HYCC1: variants seen among roughly 807,000 people sequenced by gnomAD.
HYCC1 encodes hyccin PI4KA lipid kinase complex subunit 1, also known as hyccin.
At chr7:22,932,559 C>T in the HYCC1 span, among the ~76,000 whole-genome samples, 1 of 152,154 alleles carries the variant, frequency 6.6e-6, no homozygotes, top group Non-Finnish European at 1.5e-5. Flanking sequence ...CACAGGTCCA[C>T]AGATGAGAAA....
the HYCC1 span, among the ~76,000 whole-genome samples, chr7:22,960,992 G>A: frequency 1.3e-4 from 20 of 152,118 alleles, no homozygotes; most frequent in African/African-American, 4.1e-4. Flanking sequence ...CGGAGGTTGC[G>A]GAGAGCCGAG....
At chr7:22,918,289 A>G in the HYCC1 span, among the ~76,000 whole-genome samples, 1 of 152,242 alleles carries the variant, frequency 6.6e-6, no homozygotes, top group South Asian at 2.1e-4. Context: ...CTCAATTCAT[A>G]CAAAACCATA....
the HYCC1 span, among the ~76,000 whole-genome samples, chr7:22,918,455 GC>G: frequency 6.6e-6 from 1 of 151,956 alleles, no homozygotes; most frequent in Non-Finnish European, 1.5e-5. Flanking sequence ...GGGAAACATG[GC>G]CCATTATCTC....
chr7:23,009,759 G>T, the HYCC1 span, among the ~76,000 whole-genome samples: 2 of 152,132 alleles, frequency 1.3e-5, no homozygotes, highest in East Asian at 3.8e-4. Context: ...GTCTCATTTA[G>T]GAGACAGAGG....
the HYCC1 span, among the ~76,000 whole-genome samples, chr7:22,968,156 A>G: frequency 1.3e-5 from 2 of 152,210 alleles, no homozygotes; most frequent in South Asian, 2.1e-4. Context: ...GCTCCACTAC[A>G]GACTACATTT....
the HYCC1 span, among the ~76,000 whole-genome samples, chr7:22,953,009 C>T: frequency 6.6e-6 from 1 of 151,936 alleles, no homozygotes; most frequent in Admixed American, 6.6e-5. Context: ...CAGCAGTTTC[C>T]ATAAGAGATA....
At chr7:22,915,570 C>T in the HYCC1 span, among the ~76,000 whole-genome samples, 2 of 152,310 alleles carry the variant, frequency 1.3e-5, no homozygotes, top group East Asian at 1.9e-4. Context: ...TCCCAGATCT[C>T]GGCTTAGCGG....
the HYCC1 span, among the ~76,000 whole-genome samples, chr7:22,924,177 C>CAAAAA: frequency 1.0e-5 from 1 of 95,402 alleles, no homozygotes; most frequent in Non-Finnish European, 2.0e-5. Context: ...GACTCTGTAT[C>CAAAAA]AAAAAAAAAA....
the HYCC1 span, among the ~76,000 whole-genome samples, chr7:22,931,796 T>C: frequency 0.25 from 37,860 of 152,084 alleles, 4,886 homozygotes; most frequent in East Asian, 0.48. Context: ...AAAGTGGCAG[T>C]AGAGCTGACT....
the HYCC1 span, among the ~76,000 whole-genome samples, chr7:22,987,641 T>C: frequency 6.6e-6 from 1 of 152,200 alleles, no homozygotes; most frequent in Non-Finnish European, 1.5e-5. Flanking sequence ...ATTTCATCTC[T>C]ACACATCTGA....
the HYCC1 span, among the ~76,000 whole-genome samples, chr7:22,927,550 T>C: frequency 9.9e-5 from 15 of 152,144 alleles, no homozygotes; most frequent in Admixed American, 3.3e-4. Context: ...GAGAATACTA[T>C]AAACACCTCT....
chr7:22,945,356 GA>G, the HYCC1 span: 43 of 560,996 alleles, frequency 7.7e-5, no homozygotes, highest in Middle Eastern at 4.7e-4. Flanking sequence ...TAAGAGGAGG[GA>G]AAAAAAAGAC....
chr7:22,954,875 T>C, the HYCC1 span, among the ~76,000 whole-genome samples: 3 of 151,514 alleles, frequency 2.0e-5, no homozygotes, highest in East Asian at 1.9e-4. Flanking sequence ...TAGGGAAACA[T>C]TGAAAGTATC....
chr7:22,899,844 TTC>T, the HYCC1 span, among the ~76,000 whole-genome samples: 1 of 152,220 alleles, frequency 6.6e-6, no homozygotes, highest in Admixed American at 6.5e-5. Flanking sequence ...AATCTTTTTT[TTC>T]TCTCTTTTGC....
At chr7:22,977,319 A>C in the HYCC1 span, 2 of 1,407,848 alleles carry the variant, frequency 1.4e-6, no homozygotes, top group Non-Finnish European at 2.0e-6. Flanking sequence ...CAATAAACTT[A>C]CTGTGATAAA....
At chr7:22,994,421 A>G in the HYCC1 span, among the ~76,000 whole-genome samples, 2 of 152,162 alleles carry the variant, frequency 1.3e-5, no homozygotes, top group African/African-American at 4.8e-5. Context: ...TGAGGGGCCT[A>G]TCTTGTCGGT....
chr7:23,005,143 T>C, the HYCC1 span, among the ~76,000 whole-genome samples: 11 of 152,148 alleles, frequency 7.2e-5, no homozygotes, highest in East Asian at 3.9e-4. Context: ...ATCCCACCTA[T>C]ATTCCTCTTA....
chr7:22,979,160 C>T, the HYCC1 span, among the ~76,000 whole-genome samples: 1 of 152,092 alleles, frequency 6.6e-6, no homozygotes, highest in Non-Finnish European at 1.5e-5. Flanking sequence ...ATATACTAAA[C>T]AGATTTTCTA....
chr7:22,950,983 G>A, the HYCC1 span, among the ~76,000 whole-genome samples: 1 of 151,554 alleles, frequency 6.6e-6, no homozygotes, highest in African/African-American at 2.4e-5. Context: ...TATTTTATTT[G>A]TGTAACCCCC....
Sources: gnomAD v4.1 joint callset for allele counts (sites outside exome capture counted in the v4.1 genomes callset) on GRCh38, gnomAD v4.1.1 for gene constraint, MANE v1.5 for transcripts, NCBI Gene and HGNC (gene_info 2026-07-23, HGNC 2026-07-21) for gene names.